CNTN5: variants seen among roughly 807,000 people sequenced by gnomAD.
The protein encoded by CNTN5 is contactin-5.
Under a neutral mutation model 129.1 loss-of-function variants are expected in CNTN5, and 77 were observed. The observed-to-expected ratio is 0.60, with a 90% confidence interval of 0.50 to 0.72. CNTN5 has a LOEUF of 0.72. Among genes scored for constraint, CNTN5 ranks in the 30% least tolerant of loss-of-function variants. The pLI, the probability that CNTN5 is intolerant of heterozygous loss-of-function variation, is 0.00. For synonymous variants in CNTN5, 509 were observed against 465.6 expected, an observed-to-expected ratio of 1.09 and a Z score of -1.20; for missense variants, 1,478 against 1,328.8, an observed-to-expected ratio of 1.11 and a Z score of -1.75.
At chr11:99,247,600 A>C (rs932804685) in intron 1 of CNTN5, among the ~76,000 whole-genome samples, 1 of 150,156 alleles carries the variant, frequency 6.7e-6, no homozygotes, top group Non-Finnish European at 1.5e-5. Context: ...TCCTAATGCT[A>C]TCCCTCCCCC....
intron 1 of CNTN5, among the ~76,000 whole-genome samples, chr11:99,095,451 A>G (rs1290154426): frequency 6.6e-6 from 1 of 151,960 alleles, no homozygotes; most frequent in Non-Finnish European, 1.5e-5. Context: ...ATAAATATAT[A>G]CTTATATGGA....
chr11:99,761,484 C>T (rs1164695385), intron 3 of CNTN5, among the ~76,000 whole-genome samples: 1 of 151,832 alleles, frequency 6.6e-6, no homozygotes, highest in Non-Finnish European at 1.5e-5. Flanking sequence ...TCTCATTGTT[C>T]AATTCCCACC....
intron 3 of CNTN5, among the ~76,000 whole-genome samples, chr11:99,771,311 C>T (rs80286949): frequency 0.036 from 5,389 of 151,628 alleles, 142 homozygotes; most frequent in South Asian, 0.098. Flanking sequence ...GCAAAGACAC[C>T]GAAATAACCT....
intron 3 of CNTN5, among the ~76,000 whole-genome samples, chr11:99,754,875 G>C (rs531471260): frequency 1.3e-5 from 2 of 152,280 alleles, no homozygotes; most frequent in East Asian, 1.9e-4. Context: ...GTATCATGCA[G>C]AGTAGTTTTA....
intron 18 of CNTN5, among the ~76,000 whole-genome samples, chr11:100,284,746 A>C (rs1950728151): frequency 6.6e-6 from 1 of 152,190 alleles, no homozygotes; most frequent in Non-Finnish European, 1.5e-5. Flanking sequence ...CTGTAGTATA[A>C]AATTTCAATT....
At chr11:99,393,780 T>A (rs763849786) in intron 2 of CNTN5, among the ~76,000 whole-genome samples, 53 of 151,726 alleles carry the variant, frequency 3.5e-4, no homozygotes, top group Non-Finnish European at 6.8e-4. Context: ...TTTGAAATTA[T>A]ACAAGCTTTG....
chr11:99,198,681 T>C (rs1859024518), intron 1 of CNTN5, among the ~76,000 whole-genome samples: 1 of 152,192 alleles, frequency 6.6e-6, no homozygotes, highest in African/African-American at 2.4e-5. Flanking sequence ...ATTGCAGTTG[T>C]CCCAACAAGG....
chr11:99,791,712 G>T (rs575570895), intron 3 of CNTN5, among the ~76,000 whole-genome samples: 1 of 152,240 alleles, frequency 6.6e-6, no homozygotes, highest in South Asian at 2.1e-4. Context: ...TGGGCAGTTT[G>T]GCATTTTTAA....
At chr11:99,500,002 A>G (rs1946369369) in intron 2 of CNTN5, among the ~76,000 whole-genome samples, 1 of 152,192 alleles carries the variant, frequency 6.6e-6, no homozygotes, top group Non-Finnish European at 1.5e-5. Flanking sequence ...TGGCAAAAAA[A>G]TGGCTGGTTT....
At chr11:99,503,919 T>G (rs1294610330) in intron 2 of CNTN5, among the ~76,000 whole-genome samples, 1 of 152,208 alleles carries the variant, frequency 6.6e-6, no homozygotes, top group Non-Finnish European at 1.5e-5. Flanking sequence ...GATACATCGT[T>G]TAAATTACAA....
intron 24 of CNTN5, among the ~76,000 whole-genome samples, chr11:100,353,224 G>A (rs940326091): frequency 1.3e-5 from 2 of 151,490 alleles, no homozygotes; most frequent in African/African-American, 4.8e-5. Flanking sequence ...CACTTCCTGA[G>A]TTTCAGTATG....
At chr11:99,458,553 A>T (rs113590968) in intron 2 of CNTN5, among the ~76,000 whole-genome samples, 1,879 of 152,146 alleles carry the variant, frequency 0.012, 43 homozygotes, top group African/African-American at 0.043. Context: ...TGGATTTGTT[A>T]TCATATAGAC....
intron 3 of CNTN5, among the ~76,000 whole-genome samples, chr11:99,582,732 T>TG (rs1170421231): frequency 1.3e-5 from 2 of 151,588 alleles, no homozygotes; most frequent in African/African-American, 4.9e-5. Context: ...TTGTCTAATT[T>TG]TTTTCAAAGT....
chr11:100,244,899 A>T (rs1288438927), intron 16 of CNTN5, among the ~76,000 whole-genome samples: 1 of 152,190 alleles, frequency 6.6e-6, no homozygotes, highest in Non-Finnish European at 1.5e-5. Flanking sequence ...TAATTAGATA[A>T]TTGGAGATCT....
intron 1 of CNTN5, among the ~76,000 whole-genome samples, chr11:99,306,411 CAAGGTAAATAA>C (rs1240528393): frequency 6.6e-6 from 1 of 151,754 alleles, no homozygotes; most frequent in Non-Finnish European, 1.5e-5. Context: ...GGCGTATAGA[CAAGGTAAATAA>C]AAGGTAAATA....
In CNTN5 at chr11:99,654,156, G is replaced by A. The variant is rs115078452; in HGVS notation, c.55+97887G>A. Among the ~76,000 whole-genome samples, 791 of 152,108 alleles carry A rather than the reference G, an allele frequency of 5.2e-3. 6 individuals carry two copies. Among genetic ancestry groups the A allele is most frequent in the African/African-American group, 0.018 (754 of 41,526 alleles). Reference sequence around the variant, plus strand: ...TTGCTTGAATTTTGAGTGATTACTAGGTATGTTTTCAAACAGCACTGCCTG... The same window carrying A: ...TTGCTTGAATTTTGAGTGATTACTAAGTATGTTTTCAAACAGCACTGCCTG... On this transcript the variant is annotated intron_variant, in intron 3 of 24. Coordinates refer to ENST00000524871, the MANE Select transcript of CNTN5 (RefSeq NM_014361.4).
At chr11:99,131,771 CA>C (rs201463313) in intron 1 of CNTN5, among the ~76,000 whole-genome samples, 7,194 of 152,032 alleles carry the variant, frequency 0.047, 194 homozygotes, top group Middle Eastern at 0.065. Flanking sequence ...GCTTGCCAAT[CA>C]AAAAAAGCCC....
chr11:99,471,657 A>C (rs561460416), intron 2 of CNTN5, among the ~76,000 whole-genome samples: 4 of 151,710 alleles, frequency 2.6e-5, no homozygotes, highest in Non-Finnish European at 4.4e-5. Flanking sequence ...CCTGAGGATT[A>C]TACTATTTAA....
At chr11:99,527,694 G>A (rs1049641605) in intron 2 of CNTN5, among the ~76,000 whole-genome samples, 2 of 152,164 alleles carry the variant, frequency 1.3e-5, no homozygotes, top group Non-Finnish European at 2.9e-5. Flanking sequence ...TGTGAAGTGA[G>A]GTTCAGCAGA....
Sources: allele counts gnomAD v4.1 joint callset (sites outside exome capture counted in the v4.1 genomes callset), GRCh38; gene constraint gnomAD v4.1.1; transcripts MANE v1.5; gene names NCBI Gene and HGNC (gene_info 2026-07-23, HGNC 2026-07-21).